The following KATNBL1 variants were observed in gnomAD, a reference collection of about 807,000 sequenced individuals.
The protein encoded by KATNBL1 is KATNB1-like protein 1.
Under a neutral mutation model 44.7 loss-of-function variants are expected in KATNBL1, and 28 were observed. That is an observed-to-expected ratio of 0.63 (90% CI 0.46 to 0.86). The LOEUF is 0.86. Ranked by LOEUF, KATNBL1 falls within the 40% of genes least tolerant of loss-of-function variation. The pLI, the probability that KATNBL1 is intolerant of heterozygous loss-of-function variation, is 0.00. For synonymous variants in KATNBL1, 78 were observed against 114.9 expected, an observed-to-expected ratio of 0.68 and a Z score of 2.06; for missense variants, 272 against 350.7, an observed-to-expected ratio of 0.78 and a Z score of 1.79.
intron 1 of KATNBL1, among the ~76,000 whole-genome samples, chr15:34,186,782 G>T (rs945747227): frequency 2.6e-5 from 4 of 152,240 alleles, no homozygotes; most frequent in Admixed American, 2.0e-4. Context: ...AAGCCCCAGG[G>T]CCATGAATGG....
At chr15:34,195,904 A>G (rs1408938545) in intron 1 of KATNBL1, among the ~76,000 whole-genome samples, 1 of 152,124 alleles carries the variant, frequency 6.6e-6, no homozygotes, top group Non-Finnish European at 1.5e-5. Flanking sequence ...TAACTTTGTG[A>G]TTTATGAACA....
chr15:34,188,466 G>T (rs1403253714), intron 1 of KATNBL1, among the ~76,000 whole-genome samples: 2 of 152,166 alleles, frequency 1.3e-5, no homozygotes, highest in East Asian at 3.8e-4. Context: ...TGAGGCATGA[G>T]AATTGCTTGA....
At chr15:34,180,737 C>T (rs1293876688) in intron 1 of KATNBL1, among the ~76,000 whole-genome samples, 1 of 152,066 alleles carries the variant, frequency 6.6e-6, no homozygotes, top group African/African-American at 2.4e-5. Flanking sequence ...ACTCCTTTCT[C>T]CTTCCTTCTA....
chr15:34,199,226 CA>C (rs1890103896), intron 1 of KATNBL1, among the ~76,000 whole-genome samples: 1 of 152,210 alleles, frequency 6.6e-6, no homozygotes, highest in Non-Finnish European at 1.5e-5. Flanking sequence ...ATCACGAGGT[CA>C]GGGGTTTGAG....
In KATNBL1 at chr15:34,142,300, G is replaced by C. The variant is rs752078018; in HGVS notation, c.*39C>G. ...TTTGTAAATTATACAGTTCAGGGAT[G>C]TTTTGAAAAACCAAATGCTCTTTAG... On this transcript the variant is annotated 3_prime_UTR_variant, in exon 10 of 10. Coordinates refer to ENST00000256544, the MANE Select transcript of KATNBL1 (RefSeq NM_024713.3). The C allele has an allele frequency of 2.6e-6, 4 of 1,567,472 alleles. No individual in the cohort carries two copies. The South Asian group carries it at 4.7e-5, about 18-fold the overall frequency.
rs188072632 is a variant in KATNBL1 at position 34,146,549 on chromosome 15, A to T, written c.788+212T>A. On this transcript the variant is annotated intron_variant, in intron 8 of 9. Transcript: ENST00000256544. ...AAAATGAAGGGTAGGGTTGTGCCAGAAGAAGAGATACAGGAGGTTAGTAGG... is the reference window on the plus strand; with the variant it reads ...AAAATGAAGGGTAGGGTTGTGCCAGTAGAAGAGATACAGGAGGTTAGTAGG... 1,121 of 485,002 alleles carry T rather than the reference A, an allele frequency of 2.3e-3. 8 individuals carry two copies. Among genetic ancestry groups the T allele is most frequent in the East Asian group, 0.02 (576 of 28,844 alleles). 30.0% of individuals were successfully genotyped at this position (485,002 alleles called of 1,614,324 possible). A position where few individuals can be genotyped will look rare whatever the true frequency, so the allele number is the denominator to read the frequency against.
intron 9 of KATNBL1, among the ~76,000 whole-genome samples, chr15:34,143,451 C>T (rs1007485012): frequency 2.0e-5 from 3 of 151,870 alleles, no homozygotes; most frequent in African/African-American, 4.8e-5. Flanking sequence ...GACGACAGAG[C>T]GAGATTCAGT....
At chr15:34,200,842 G>A (rs1890161052) in intron 1 of KATNBL1, among the ~76,000 whole-genome samples, 2 of 151,652 alleles carry the variant, frequency 1.3e-5, no homozygotes, top group Admixed American at 1.3e-4. Flanking sequence ...TTTTGAGACA[G>A]CGTCTTGCTC....
chr15:34,172,256 C>CTTTTT lies in KATNBL1; in HGVS notation c.-14-8571_-14-8567dup, dbSNP rs59733560. 1.6e-4 allele frequency among the ~76,000 whole-genome samples: 15 copies of CTTTTT among 96,614 alleles called. 5 individuals carry two copies. Among genetic ancestry groups the CTTTTT allele is most frequent in the Admixed American group, 3.1e-4 (2 of 6,532 alleles). 63.4% of individuals were successfully genotyped at this position (96,614 alleles called of 152,430 possible). Reference sequence around the variant, plus strand: ...ACAGAGTCCTTGGGAGGAACATATTCTTTTTTTTTTTTTTTTTTGAGATGG... The same window carrying CTTTTT: ...ACAGAGTCCTTGGGAGGAACATATTCTTTTTTTTTTTTTTTTTTTTTTTGAGATGG... On this transcript the variant is annotated intron_variant, in intron 1 of 9. Transcript: ENST00000256544.
intron 1 of KATNBL1, among the ~76,000 whole-genome samples, chr15:34,168,886 CCA>C (rs1437212061): frequency 6.6e-6 from 1 of 152,080 alleles, no homozygotes; most frequent in Non-Finnish European, 1.5e-5. Flanking sequence ...TTTTTTGAAA[CCA>C]ATGAGAACAA....
chr15:34,194,143 T>C (rs1321247190), intron 1 of KATNBL1, among the ~76,000 whole-genome samples: 3 of 152,144 alleles, frequency 2.0e-5, no homozygotes, highest in Admixed American at 1.3e-4. Context: ...GGTTTCTCCA[T>C]ATTGGCCAGG....
rs531794834 is a variant in KATNBL1, at chr15:34,168,059, T to C, written c.-14-4369A>G. On this transcript the variant is annotated intron_variant, in intron 1 of 9. Transcript: ENST00000256544. ...CAGGTGAAATAACTAGCTAGCATCA[T>C]AATGACAGGATCAAATTCATACATA... Among the ~76,000 whole-genome samples the C allele has an allele frequency of 1.3e-5, 2 of 152,276 alleles. 1 individual carries two copies. Among genetic ancestry groups the C allele is most frequent in the African/African-American group, 4.8e-5 (2 of 41,550 alleles).
chr15:34,145,498 G>GAA lies in KATNBL1; in HGVS notation c.789-9_789-8dup. 7.1e-7 allele frequency: 1 copy of GAA among 1,413,674 alleles called. No homozygotes were observed. The highest frequency in any genetic ancestry group is 9.2e-7 in the Non-Finnish European group (1 of 1,085,858). The allele number at this position is 1,413,674 out of a possible 1,614,324, so 87.6% of individuals were successfully genotyped here. A position where few individuals can be genotyped will look rare whatever the true frequency, so the allele number is the denominator to read the frequency against. ...TTTTAAAATTTGAATATTTCTAAAA[G>GAA]AAAAAAAAGGAAGAAAAATGAGAAA... On this transcript the variant is annotated splice_region_variant and splice_polypyrimidine_tract_variant and intron_variant, in intron 8 of 9. Transcript: ENST00000256544.
Position 34,160,035 on chromosome 15 carries a change from G to A in KATNBL1, c.117+3525C>T, listed in dbSNP as rs575750894. 2.6e-5 allele frequency among the ~76,000 whole-genome samples: 4 copies of A among 152,234 alleles called. No homozygotes were observed. In the East Asian group the frequency reaches 5.8e-4, roughly 22 times the overall value. On this transcript the variant is annotated intron_variant, in intron 2 of 9. Coordinates refer to ENST00000256544, the MANE Select transcript of KATNBL1 (RefSeq NM_024713.3). The stretch of plus-strand genomic sequence containing the variant: ...ATCAAGGGCTGTTGGTGGGACTCAA[G>A]ATAAAAAAAGATATAGCCCCTGACT...
At chr15:34,157,722 A>G (rs1055243830) in intron 2 of KATNBL1, among the ~76,000 whole-genome samples, 2 of 152,154 alleles carry the variant, frequency 1.3e-5, no homozygotes, top group Non-Finnish European at 1.5e-5. Context: ...CGAGTCTCTA[A>G]GACTAATTTG....
At chr15:34,199,134 C>T (rs1220264382) in intron 1 of KATNBL1, among the ~76,000 whole-genome samples, 3 of 152,102 alleles carry the variant, frequency 2.0e-5, no homozygotes, top group African/African-American at 7.2e-5. Flanking sequence ...TAGGTTTATT[C>T]CTATTAAGAA....
At position 34,145,563 on chromosome 15, in the gene KATNBL1, A is replaced by G. The variant is rs563083790; in HGVS notation, c.789-72T>C. On this transcript the variant is annotated intron_variant, in intron 8 of 9. Transcript: ENST00000256544. ...ATACAAACTTTCATCATAAATATGC[A>G]TAATAAAAACTGTTCTAAAATTTTT... 4 of 1,237,880 alleles carry G rather than the reference A, an allele frequency of 3.2e-6. No individual in the cohort carries two copies. In the East Asian group the frequency reaches 1.4e-4, roughly 43 times the overall value. 76.7% of individuals were successfully genotyped at this position (1,237,880 alleles called of 1,614,324 possible).
intron 2 of KATNBL1, among the ~76,000 whole-genome samples, chr15:34,155,311 A>T (rs1649835067): frequency 6.6e-6 from 1 of 152,094 alleles, no homozygotes; most frequent in Non-Finnish European, 1.5e-5. Flanking sequence ...TTGGTTTTCT[A>T]AAAGAAAGAG....
At chr15:34,143,074 G>A in intron 9 of KATNBL1, 1 of 1,194,752 alleles carries the variant, frequency 8.4e-7, no homozygotes, top group Non-Finnish European at 1.1e-6. Flanking sequence ...TTGTAAGAAA[G>A]TCTCATCATA....
Sources: allele counts gnomAD v4.1 joint callset (sites outside exome capture counted in the v4.1 genomes callset), GRCh38; gene constraint gnomAD v4.1.1; transcripts MANE v1.5; gene names NCBI Gene and HGNC (gene_info 2026-07-23, HGNC 2026-07-21).